DST: variants seen among roughly 807,000 people sequenced by gnomAD.
DST encodes bullous pemphigoid antigen.
Under a neutral mutation model 875.2 loss-of-function variants are expected in DST, and 253 were observed. The ratio of observed to expected loss-of-function variants is 0.29; its 90% CI spans 0.26 to 0.32. The LOEUF is 0.32. Ranked by LOEUF, DST falls within the 10% of genes least tolerant of loss-of-function variation. DST has a pLI of 1.00. For missense variants in DST, 8,287 were observed against 9,111.6 expected, an observed-to-expected ratio of 0.91 and a Z score of 3.68; for synonymous variants, 3,124 against 3,197.1, an observed-to-expected ratio of 0.98 and a Z score of 0.77.
chr6:56,471,030 C>T lies in DST; in HGVS notation c.22321+76G>A, dbSNP rs1315669646. On this transcript the variant is annotated intron_variant, in intron 95 of 103. Coordinates refer to ENST00000680361, the MANE Select transcript of DST (RefSeq NM_001374736.1). ...AATGCTTTATTGTAACACAAGTTTACCAGACCCACACTTTTAAAATGTGCT... is the reference window on the plus strand; with the variant it reads ...AATGCTTTATTGTAACACAAGTTTATCAGACCCACACTTTTAAAATGTGCT... 2.1e-6 allele frequency: 3 copies of T among 1,414,344 alleles called. No individual in the cohort carries two copies. The African/African-American group carries it at 4.3e-5, about 20-fold the overall frequency. The allele number at this position is 1,414,344 out of a possible 1,614,324, so 87.6% of individuals were successfully genotyped here.
At chr6:56,880,013 C>A (rs989899583) in intron 3 of DST, among the ~76,000 whole-genome samples, 1 of 152,228 alleles carries the variant, frequency 6.6e-6, no homozygotes, top group Non-Finnish European at 1.5e-5. Flanking sequence ...TTTAAAATTT[C>A]TATTCCCACA....
chr6:56,532,949 C>T (rs2096922201), intron 63 of DST, among the ~76,000 whole-genome samples: 2 of 152,146 alleles, frequency 1.3e-5, no homozygotes, highest in Non-Finnish European at 2.9e-5. Flanking sequence ...CCCTTTCCCA[C>T]GTTAAACAAT....
chr6:56,717,771 C>A (rs2099400330), intron 5 of DST, among the ~76,000 whole-genome samples: 1 of 152,140 alleles, frequency 6.6e-6, no homozygotes, highest in South Asian at 2.1e-4. Context: ...CTCAACCAAT[C>A]TGCAGAAAGC....
rs774428618 is a variant in DST, at chr6:56,511,393, C to T, written c.18584G>A (p.Arg6195His). 1.9e-6 allele frequency: 3 copies of T among 1,600,532 alleles called. No individual in the cohort carries two copies. The highest frequency in any genetic ancestry group is 2.6e-6 in the Non-Finnish European group (3 of 1,173,112). Residue 6195 changes from arginine to histidine, a missense_variant, in exon 73 of 104, where the codon CGT becomes CAT. Arg to His is a conservative substitution (Grantham distance 29). Coordinates refer to ENST00000680361, the MANE Select transcript of DST (RefSeq NM_001374736.1). Reference sequence around the variant, plus strand: ...AGGCTTGTGTTCAGCTATCAACTCACGCAGTTGCTATAACAAACCAAACAG... The same window carrying T: ...AGGCTTGTGTTCAGCTATCAACTCATGCAGTTGCTATAACAAACCAAACAG... The part of the protein sequence containing the change: ...RQQQEEHRQL[R>H]ELIAEHKPHI...
rs1218193120 is a variant in DST at position 56,530,029 on chromosome 6, C to T, written c.17213G>A (p.Cys5738Tyr). The T allele has an allele frequency of 6.2e-7, 1 of 1,613,462 alleles. No homozygotes were observed. Among genetic ancestry groups the T allele is most frequent in the Non-Finnish European group, 8.5e-7 (1 of 1,179,694 alleles). Reference sequence around the variant, plus strand: ...AGATGCTTGGGTTCCTATGGGTTCACAATTCACCAGCCTCTTTTCTATGGT... The same window carrying T: ...AGATGCTTGGGTTCCTATGGGTTCATAATTCACCAGCCTCTTTTCTATGGT... ...LTTIEKRLVN[C>Y]EPIGTQASKL... The change falls in exon 65 of 104, where the codon TGT becomes TAT. Residue 5738 changes from cysteine to tyrosine, a missense_variant. Transcript: ENST00000680361.
intron 9 of DST, among the ~76,000 whole-genome samples, chr6:56,685,441 C>G (rs1316350008): frequency 6.6e-6 from 1 of 152,090 alleles, no homozygotes; most frequent in Non-Finnish European, 1.5e-5. Flanking sequence ...TAAATCAGAA[C>G]CACAATGAGA....
chr6:56,565,112 C>CTTTT (rs1157403022), intron 55 of DST, among the ~76,000 whole-genome samples: 2 of 134,478 alleles, frequency 1.5e-5, no homozygotes, highest in African/African-American at 2.7e-5. Context: ...TTTCTCTTTT[C>CTTTT]TTTTTTTTTT....
intron 4 of DST, among the ~76,000 whole-genome samples, chr6:56,829,341 A>T (rs2099784403): frequency 6.6e-6 from 1 of 152,220 alleles, no homozygotes; most frequent in Non-Finnish European, 1.5e-5. Flanking sequence ...TGAGAGTAAA[A>T]ACACTTTTAA....
chr6:56,945,851 A>G (rs1486739833), intron 2 of DST: 2 of 152,148 alleles, frequency 1.3e-5, no homozygotes, highest in Non-Finnish European at 2.9e-5. Flanking sequence ...TTAAAAAAAA[A>G]AAAGAATGAA....
chr6:56,819,432 CTTAAGT>C (rs545461915), intron 4 of DST, among the ~76,000 whole-genome samples: 33 of 152,236 alleles, frequency 2.2e-4, no homozygotes, highest in South Asian at 2.1e-3. Context: ...CAGTAGGTCT[CTTAAGT>C]TTAAGAACCT....
At chr6:56,907,838 A>G (rs752766376) in intron 2 of DST, among the ~76,000 whole-genome samples, 35 of 152,352 alleles carry the variant, frequency 2.3e-4, no homozygotes, top group Admixed American at 1.2e-3. Context: ...ATCTGGAAAG[A>G]GGAAAAATTA....
At chr6:56,475,407 ACACAC>A (rs1427620240) in intron 92 of DST, among the ~76,000 whole-genome samples, 2 of 92,970 alleles carry the variant, frequency 2.2e-5, no homozygotes, top group African/African-American at 6.4e-5. Flanking sequence ...ACACACACAC[ACACAC>A]ACACACACAC....
chr6:56,744,392 G>C (rs1431766712), intron 4 of DST, among the ~76,000 whole-genome samples: 1 of 150,930 alleles, frequency 6.6e-6, no homozygotes, highest in Non-Finnish European at 1.5e-5. Context: ...AAAAAAAAAG[G>C]TAAACATTAA....
chr6:56,697,291 G>A (rs1315456658), intron 9 of DST, among the ~76,000 whole-genome samples: 1 of 152,116 alleles, frequency 6.6e-6, no homozygotes, highest in African/African-American at 2.4e-5. Context: ...CCCCAACTGA[G>A]TCCTGACCTT....
At position 56,529,983 on chromosome 6, in the gene DST, T is replaced by C. The variant is rs752977453; in HGVS notation, c.17259A>G (p.Ala5753=). The change falls in exon 65 of 104, where the codon GCA becomes GCG. Residue 5753 remains alanine, a synonymous_variant. Transcript: ENST00000680361. ...TQASKLEEQI[A]QHKALEDDII... ...GTGATTTATATCTTACTTTGTGCTG[T>C]GCAATTTGTTCCTCAAGTTTAGATG... 15 of 1,613,494 alleles carry C rather than the reference T, an allele frequency of 9.3e-6. No homozygotes were observed. The African/African-American group carries it at 1.7e-4, about 19-fold the overall frequency.
At chr6:56,706,287 C>G (rs796674610) in intron 5 of DST, among the ~76,000 whole-genome samples, 38 of 150,350 alleles carry the variant, frequency 2.5e-4, no homozygotes, top group African/African-American at 8.4e-4. Flanking sequence ...GCACTCCAGC[C>G]TGGGTGACAG....
In DST at chr6:56,604,381, C is replaced by T. The variant is rs751961524; in HGVS notation, c.10247G>A (p.Gly3416Glu). The T allele has an allele frequency of 7.4e-6, 12 of 1,611,830 alleles. No homozygotes were observed. In the East Asian group the frequency reaches 2.7e-4, roughly 36 times the overall value. The change falls in exon 40 of 104, where the codon GGA becomes GAA. Residue 3416 changes from glycine (G) to glutamate (E), a missense_variant. Transcript: ENST00000680361. ...PSDSQMSDSS[G>E]VSPMTNSSEL... ...TGATGAGTTAGTCATGGGGGAAACTCCAGAAGAGTCACTCATTTGAGAGTC... is the reference window on the plus strand; with the variant it reads ...TGATGAGTTAGTCATGGGGGAAACTTCAGAAGAGTCACTCATTTGAGAGTC...
At chr6:56,784,549 T>C (rs76168671) in intron 4 of DST, among the ~76,000 whole-genome samples, 1 of 152,374 alleles carries the variant, frequency 6.6e-6, no homozygotes, top group Non-Finnish European at 1.5e-5. Flanking sequence ...CTTCACGTAG[T>C]TCTCGAGCCT....
chr6:56,861,227 A>G (rs1770997957), intron 3 of DST, among the ~76,000 whole-genome samples: 1 of 152,250 alleles, frequency 6.6e-6, no homozygotes, highest in South Asian at 2.1e-4. Context: ...ATTACTGCAC[A>G]GAAGCAAAGT....
Sources: gnomAD v4.1 joint callset for allele counts (sites outside exome capture counted in the v4.1 genomes callset) on GRCh38, gnomAD v4.1.1 for gene constraint, MANE v1.5 for transcripts, NCBI Gene and HGNC (gene_info 2026-07-23, HGNC 2026-07-21) for gene names.